The following FBXW7 variants were observed in gnomAD, a reference collection of about 807,000 sequenced individuals.
FBXW7 encodes F-box and WD repeat domain containing 7.
A neutral mutation model predicts 86.3 loss-of-function variants in FBXW7; 11 were observed. The ratio of observed to expected loss-of-function variants is 0.13; its 90% confidence interval spans 0.08 to 0.21. The LOEUF (loss-of-function observed/expected upper bound fraction) is 0.21. FBXW7 is among the 10% of genes least tolerant of loss of function. FBXW7 has a pLI of 1.00. For synonymous variants in FBXW7, 313 were observed against 297.9 expected, an observed-to-expected ratio of 1.05 and a Z score of -0.52; for missense variants, 488 against 847.4, an observed-to-expected ratio of 0.58 and a Z score of 5.27.
intron 2 of FBXW7, among the ~76,000 whole-genome samples, chr4:152,453,443 A>C (rs1469736385): frequency 2.6e-5 from 4 of 152,146 alleles, no homozygotes; most frequent in Non-Finnish European, 2.9e-5. Flanking sequence ...TCAGTCATTC[A>C]AATATTTACT....
intron 2 of FBXW7, among the ~76,000 whole-genome samples, chr4:152,425,838 A>G (rs1362535719): frequency 6.6e-6 from 1 of 151,926 alleles, no homozygotes; most frequent in East Asian, 1.9e-4. Flanking sequence ...CTAATAGGAA[A>G]CCCCCACATA....
intron 2 of FBXW7, among the ~76,000 whole-genome samples, chr4:152,434,080 G>T (rs530392196): frequency 5.9e-5 from 9 of 151,968 alleles, no homozygotes; most frequent in Non-Finnish European, 8.8e-5. Flanking sequence ...AGTATACAGA[G>T]GACCAACTTT....
chr4:152,518,392 C>T (rs1748706042), intron 2 of FBXW7, among the ~76,000 whole-genome samples: 1 of 151,996 alleles, frequency 6.6e-6, no homozygotes, highest in South Asian at 2.1e-4. Flanking sequence ...AACTACTACG[C>T]TCAAAACCAT....
chr4:152,361,529 G>A (rs569776723), intron 4 of FBXW7, among the ~76,000 whole-genome samples: 1 of 152,142 alleles, frequency 6.6e-6, no homozygotes, highest in South Asian at 2.1e-4. Context: ...TTTATGTGCA[G>A]TGAACTGTAA....
chr4:152,354,822 G>A (rs1732215347), intron 4 of FBXW7, among the ~76,000 whole-genome samples: 1 of 152,046 alleles, frequency 6.6e-6, no homozygotes. Context: ...AGGTTTGTAT[G>A]CTTCAAACAT....
intron 2 of FBXW7, among the ~76,000 whole-genome samples, chr4:152,486,943 T>C (rs925979553): frequency 6.6e-6 from 1 of 152,138 alleles, no homozygotes; most frequent in African/African-American, 2.4e-5. Context: ...ACAACGTCAC[T>C]ATGCGATAGA....
intron 2 of FBXW7, among the ~76,000 whole-genome samples, chr4:152,426,585 G>C (rs1560883428): frequency 6.6e-6 from 1 of 152,142 alleles, no homozygotes; most frequent in Non-Finnish European, 1.5e-5. Context: ...TCCTGACCTG[G>C]TGATCCGCCC....
intron 2 of FBXW7, among the ~76,000 whole-genome samples, chr4:152,421,303 T>C (rs922376869): frequency 6.6e-6 from 1 of 152,214 alleles, no homozygotes; most frequent in Non-Finnish European, 1.5e-5. Flanking sequence ...TTATGGTTGA[T>C]TTGATCTTCT....
intron 2 of FBXW7, among the ~76,000 whole-genome samples, chr4:152,508,763 T>C (rs925555731): frequency 3.3e-5 from 5 of 151,772 alleles, no homozygotes; most frequent in Admixed American, 2.6e-4. Flanking sequence ...TACCTTCCCA[T>C]AGGATACTTT....
chr4:152,499,426 C>T (rs1746695263), intron 2 of FBXW7, among the ~76,000 whole-genome samples: 1 of 152,138 alleles, frequency 6.6e-6, no homozygotes, highest in Non-Finnish European at 1.5e-5. Context: ...CATTGAGAGG[C>T]TATTTGAAAT....
chr4:152,359,820 T>C (rs1732759668), intron 4 of FBXW7, among the ~76,000 whole-genome samples: 1 of 152,006 alleles, frequency 6.6e-6, no homozygotes, highest in African/African-American at 2.4e-5. Context: ...TACTGGACTA[T>C]ATATCAATTG....
intron 8 of FBXW7, among the ~76,000 whole-genome samples, chr4:152,332,336 C>A (rs1197510629): frequency 6.6e-6 from 1 of 151,996 alleles, no homozygotes; most frequent in African/African-American, 2.4e-5. Flanking sequence ...TTCGGGGTTT[C>A]CTTTAAGTCA....
In FBXW7 at chr4:152,323,046, C is replaced by T. The variant is rs767500139; in HGVS notation, c.1959G>A (p.Thr653=). Residue 653 remains threonine (T), a synonymous_variant, in exon 14 of 14, where the codon ACG becomes ACA. Transcript: ENST00000281708. ...DGTVKLWDLK[T]GEFIRNLVTL... is the part of the protein sequence containing the mutation. The stretch of plus-strand genomic sequence containing the variant: ...TGACTAGGTTTCGAATAAATTCACC[C>T]GTTTTCAAGTCCCATAGTTTTACAG... 9 of 1,613,716 alleles carry T rather than the reference C, an allele frequency of 5.6e-6. No homozygotes were observed. The highest frequency in any genetic ancestry group is 7.6e-6 in the Non-Finnish European group (9 of 1,179,848).
intron 6 of FBXW7, among the ~76,000 whole-genome samples, chr4:152,339,214 C>T (rs767453308): frequency 2.0e-5 from 3 of 152,154 alleles, no homozygotes; most frequent in Non-Finnish European, 4.4e-5. Context: ...GTGTCCCTTC[C>T]TTTTGCTTCT....
At chr4:152,445,971 A>T (rs559419629) in intron 2 of FBXW7, among the ~76,000 whole-genome samples, 1 of 151,092 alleles carries the variant, frequency 6.6e-6, no homozygotes, top group African/African-American at 2.4e-5. Context: ...CACTTGGTCC[A>T]AAGTAAGAGT....
intron 4 of FBXW7, among the ~76,000 whole-genome samples, chr4:152,375,648 C>T (rs555593359): frequency 9.2e-5 from 14 of 151,890 alleles, no homozygotes; most frequent in African/African-American, 2.7e-4. Context: ...TCACAGAAAA[C>T]CTAGAATAAT....
At chr4:152,415,860 T>C (rs541379603) in intron 2 of FBXW7, among the ~76,000 whole-genome samples, 1 of 152,158 alleles carries the variant, frequency 6.6e-6, no homozygotes, top group African/African-American at 2.4e-5. Context: ...ACTTCCTTCA[T>C]AGAGGACTCT....
chr4:152,495,278 T>A (rs550242991), intron 2 of FBXW7, among the ~76,000 whole-genome samples: 21 of 150,128 alleles, frequency 1.4e-4, no homozygotes, highest in South Asian at 1.1e-3. Context: ...ACTAAAAATT[T>A]AAAAAAAAAC....
At chr4:152,497,713 G>A (rs1033227406) in intron 2 of FBXW7, among the ~76,000 whole-genome samples, 8 of 151,922 alleles carry the variant, frequency 5.3e-5, no homozygotes, top group African/African-American at 7.3e-5. Context: ...GACTGGACTC[G>A]GCAATACTTG....
Sources: gnomAD v4.1 joint callset for allele counts (sites outside exome capture counted in the v4.1 genomes callset) on GRCh38, gnomAD v4.1.1 for gene constraint, MANE v1.5 for transcripts, NCBI Gene and HGNC (gene_info 2026-07-23, HGNC 2026-07-21) for gene names.